The following PCLO variants were observed in gnomAD, a reference collection of about 807,000 sequenced individuals.
PCLO encodes protein piccolo.
A neutral mutation model predicts 427.5 loss-of-function variants in PCLO; 82 were observed. The ratio of observed to expected loss-of-function variants is 0.19; its 90% confidence interval spans 0.16 to 0.23. PCLO has a LOEUF of 0.23. PCLO is among the 10% of genes least tolerant of loss of function. The probability of loss-of-function intolerance (pLI) is 1.00; values close to 1 mark genes in which losing one functional copy is unlikely to be tolerated. For missense variants in PCLO, 6,239 were observed against 6,115.9 expected, an observed-to-expected ratio of 1.02 and a Z score of -0.67; for synonymous variants, 2,357 against 2,155.4, an observed-to-expected ratio of 1.09 and a Z score of -2.59.
chr7:83,013,078 C>T (rs562332124), intron 3 of PCLO, among the ~76,000 whole-genome samples: 3 of 151,958 alleles, frequency 2.0e-5, no homozygotes, highest in South Asian at 2.1e-4. Context: ...TTTCTAATTC[C>T]TAAGATCATA....
At chr7:82,893,636 G>A (rs1429759331) in intron 9 of PCLO, among the ~76,000 whole-genome samples, 3 of 151,890 alleles carry the variant, frequency 2.0e-5, no homozygotes, top group African/African-American at 7.2e-5. Context: ...GACACAGTCC[G>A]TGAGTTTATT....
rs1024384098 is a variant in PCLO, at chr7:82,950,076, A to T, written c.10512T>A (p.Ala3504=). ...CTTTGGAAAGGGGTTTGGTCTTGTC[A>T]GCCTCTGTCATGCTGTCACCATATT... ...VGKYGDSMTE[A]DKTKPLSKVS... is the part of the protein sequence containing the mutation. The change falls in exon 6 of 25, where the codon GCT becomes GCA. Residue 3504 remains alanine, a synonymous_variant. Transcript: ENST00000333891. 1.9e-6 allele frequency: 3 copies of T among 1,610,680 alleles called. No homozygotes were observed. The African/African-American group carries it at 4.1e-5, about 22-fold the overall frequency.
intron 3 of PCLO, among the ~76,000 whole-genome samples, chr7:83,009,582 T>G (rs968989555): frequency 6.6e-6 from 1 of 151,852 alleles, no homozygotes; most frequent in Non-Finnish European, 1.5e-5. Flanking sequence ...ACTAAGAGAT[T>G]AGTTAAAATA....
chr7:82,920,057 A>C (rs970528025), intron 6 of PCLO, among the ~76,000 whole-genome samples: 1 of 151,896 alleles, frequency 6.6e-6, no homozygotes, highest in African/African-American at 2.4e-5. Context: ...TGTCTTACCA[A>C]CTTATAATTC....
At chr7:82,982,420 A>G (rs1462660213) in intron 3 of PCLO, among the ~76,000 whole-genome samples, 1 of 152,052 alleles carries the variant, frequency 6.6e-6, no homozygotes, top group Non-Finnish European at 1.5e-5. Context: ...ACTGAAGGCA[A>G]GTTTGACGGG....
At chr7:83,081,744 T>C (rs551747755) in intron 3 of PCLO, among the ~76,000 whole-genome samples, 10 of 151,936 alleles carry the variant, frequency 6.6e-5, no homozygotes, top group African/African-American at 2.2e-4. Context: ...ATATTAATTT[T>C]TTGTTTCATT....
chr7:83,147,440 T>C (rs1033852252), intron 2 of PCLO, among the ~76,000 whole-genome samples: 9 of 152,168 alleles, frequency 5.9e-5, no homozygotes, highest in Non-Finnish European at 1.3e-4. Context: ...CCAAAAACCT[T>C]ATGCATAGAA....
chr7:82,951,092 G>C lies in PCLO; in HGVS notation c.9496C>G (p.Gln3166Glu), dbSNP rs760751934. The change falls in exon 6 of 25, where the codon CAA becomes GAA. Residue 3166 changes from glutamine to glutamate, a missense_variant. By Grantham distance (29) the Gln-to-Glu change is conservative (BLOSUM62 2). Coordinates refer to ENST00000333891, the MANE Select transcript of PCLO (RefSeq NM_033026.6). ...GTAAGAGACTCCATAGTAATAGTTT[G>C]CAAACTGGCACTGATATCAATACCA... ...VTGIDISASLQTITMESLTAE... is the reference protein window; with the variant it reads ...VTGIDISASLETITMESLTAE... 6.2e-7 allele frequency: 1 copy of C among 1,613,796 alleles called. No homozygotes were observed. Among genetic ancestry groups the C allele is most frequent in the Non-Finnish European group, 8.5e-7 (1 of 1,179,790 alleles).
intron 22 of PCLO, among the ~76,000 whole-genome samples, chr7:82,788,207 T>C (rs558572514): frequency 6.8e-6 from 1 of 147,664 alleles, no homozygotes; most frequent in African/African-American, 2.4e-5. Flanking sequence ...ATATATTTAA[T>C]ATATAATTAA....
intron 22 of PCLO, among the ~76,000 whole-genome samples, chr7:82,774,792 CTTG>C (rs1436418809): frequency 2.6e-5 from 4 of 152,128 alleles, no homozygotes; most frequent in Non-Finnish European, 5.9e-5. Context: ...AAGGTTCATT[CTTG>C]TTGTACATTC....
chr7:82,785,597 A>G (rs1790968589), intron 22 of PCLO, among the ~76,000 whole-genome samples: 1 of 152,198 alleles, frequency 6.6e-6, no homozygotes, highest in Non-Finnish European at 1.5e-5. Context: ...TTACAATTAC[A>G]GGGTGATTGG....
chr7:83,149,959 C>A (rs1487390167), intron 2 of PCLO, among the ~76,000 whole-genome samples: 1 of 151,906 alleles, frequency 6.6e-6, no homozygotes, highest in Non-Finnish European at 1.5e-5. Flanking sequence ...TATCTGGCTT[C>A]TGCCAAAAGA....
rs965318626 is a variant in PCLO at position 82,754,889 on chromosome 7, T to C, written c.*3686A>G. On this transcript the variant is annotated 3_prime_UTR_variant, in exon 25 of 25. Coordinates refer to ENST00000333891, the MANE Select transcript of PCLO (RefSeq NM_033026.6). ...ACACATAACACATATATAGCTGTAG[T>C]TGGCTGATTTTGGAATATTTGACAT... The C allele has an allele frequency of 9.9e-5, 15 of 152,080 alleles. No individual in the cohort carries two copies. The highest frequency in any genetic ancestry group is 9.8e-4 in the Admixed American group (15 of 15,260). 9.4% of individuals were successfully genotyped at this position (152,080 alleles called of 1,614,324 possible).
At chr7:82,772,256 G>C (rs1465548179) in intron 22 of PCLO, among the ~76,000 whole-genome samples, 1 of 152,078 alleles carries the variant, frequency 6.6e-6, no homozygotes, top group Non-Finnish European at 1.5e-5. Context: ...CTTGTCCCAT[G>C]CCACTAAGCT....
At chr7:82,764,020 G>A (rs1036890839) in intron 22 of PCLO, among the ~76,000 whole-genome samples, 3 of 151,978 alleles carry the variant, frequency 2.0e-5, no homozygotes, top group Non-Finnish European at 4.4e-5. Context: ...CAAAGGGACT[G>A]ATGGTAATTA....
intron 9 of PCLO, among the ~76,000 whole-genome samples, chr7:82,891,663 G>A (rs1222099664): frequency 6.6e-6 from 1 of 151,930 alleles, no homozygotes; most frequent in Non-Finnish European, 1.5e-5. Flanking sequence ...TATGATATTG[G>A]CTGTGGGTTT....
rs1368861358 is a variant in PCLO, at chr7:83,090,462, C to T, written c.3300+43788G>A. Among the ~76,000 whole-genome samples the T allele has an allele frequency of 2.0e-5, 3 of 152,116 alleles. No individual in the cohort carries two copies. The East Asian group carries it at 5.8e-4, about 29-fold the overall frequency. On this transcript the variant is annotated intron_variant, in intron 3 of 24. Coordinates refer to ENST00000333891, the MANE Select transcript of PCLO (RefSeq NM_033026.6). ...CAAAAAGTTTTCAACCAACAATAAA[C>T]ATTCTTCATTCACACAAAGCATAAT...
At chr7:83,024,914 TAACA>T (rs1023244980) in intron 3 of PCLO, among the ~76,000 whole-genome samples, 1 of 150,492 alleles carries the variant, frequency 6.6e-6, no homozygotes, top group African/African-American at 2.5e-5. Flanking sequence ...GAAGGAAAAC[TAACA>T]AACAGAAAGG....
rs771892251 is a variant in PCLO at position 82,956,493 on chromosome 7, A to G, written c.4460T>C (p.Ile1487Thr). The change falls in exon 5 of 25, where the codon ATT becomes ACT. Residue 1487 changes from isoleucine to threonine, a missense_variant. Physicochemically the swap from Ile to Thr is moderately conservative, Grantham distance 89. Around this residue, in one of 5 missense-constraint regions of PCLO, gnomAD observed 4,677 missense variants for 4,468.4 expected, o/e 1.05. Transcript: ENST00000333891. ...DTFKKDSQQD[I>T]PSSKDHKEKS... Reference sequence around the variant, plus strand: ...CTCTTTATGGTCCTTGCTGGAAGGAATATCTTGTTGGCTATCTTTTTTAAA... The same window carrying G: ...CTCTTTATGGTCCTTGCTGGAAGGAGTATCTTGTTGGCTATCTTTTTTAAA... The G allele has an allele frequency of 6.2e-7, 1 of 1,613,732 alleles. No homozygotes were observed. The highest frequency in any genetic ancestry group is 1.1e-5 in the South Asian group (1 of 91,052).
Sources: allele counts gnomAD v4.1 joint callset (sites outside exome capture counted in the v4.1 genomes callset), GRCh38; gene constraint gnomAD v4.1.1; regional missense constraint gnomAD v4.1.1; transcripts MANE v1.5; gene names NCBI Gene and HGNC (gene_info 2026-07-23, HGNC 2026-07-21).